The following FAM178B variants were observed in gnomAD, a reference collection of about 807,000 sequenced individuals.
The protein encoded by FAM178B is family with sequence similarity 178 member B, also known as protein FAM178B.
In FAM178B, 82 loss-of-function variants were observed where a neutral mutation model predicts 91.7. The observed-to-expected ratio is 0.89, with a 90% confidence interval of 0.75 to 1.07. FAM178B has a LOEUF of 1.07. Among genes scored for constraint, FAM178B ranks in the 50% least tolerant of loss-of-function variants. The pLI, the probability that FAM178B is intolerant of heterozygous loss-of-function variation, is 0.00. For synonymous variants in FAM178B, 368 were observed against 359.4 expected (o/e 1.02, Z -0.27); for missense variants, 769 against 846.7 (o/e 0.91, Z 1.14).
intron 12 of FAM178B, among the ~76,000 whole-genome samples, chr2:96,917,355 T>C (rs1372382422): frequency 2.6e-5 from 4 of 152,242 alleles, no homozygotes; most frequent in African/African-American, 9.6e-5. Context: ...CGTGGCTGCC[T>C]GAAAGGCAGG....
intron 14 of FAM178B, among the ~76,000 whole-genome samples, chr2:96,893,048 T>C (rs1438538158): frequency 6.6e-6 from 1 of 152,300 alleles, no homozygotes; most frequent in East Asian, 1.9e-4. Context: ...TTCATTTGTG[T>C]TCATTAAGTA....
intron 1 of FAM178B, among the ~76,000 whole-genome samples, chr2:96,982,021 C>A (rs530048417): frequency 1.3e-5 from 2 of 151,676 alleles, no homozygotes; most frequent in South Asian, 4.2e-4. Flanking sequence ...GAGCTGTGAT[C>A]GCACTACTGC....
chr2:96,960,493 G>A, intron 5 of FAM178B, 53 bp from the exon 6 acceptor site: 7 of 1,494,488 alleles, frequency 4.7e-6, no homozygotes, highest in Non-Finnish European at 6.3e-6. Flanking sequence ...ACCTCGGCCT[G>A]AGGCATGGCC....
chr2:96,904,207 G>A (rs1039377603), intron 12 of FAM178B, among the ~76,000 whole-genome samples: 1 of 152,202 alleles, frequency 6.6e-6, no homozygotes, highest in Non-Finnish European at 1.5e-5. Flanking sequence ...AGCAGCAGCA[G>A]CAACAGCACA....
At chr2:96,978,176 G>A (rs969914205) in intron 1 of FAM178B, among the ~76,000 whole-genome samples, 2 of 152,112 alleles carry the variant, frequency 1.3e-5, no homozygotes, top group Admixed American at 6.6e-5. Context: ...ATGCAGAATG[G>A]ATTCTCAGAA....
intron 12 of FAM178B, among the ~76,000 whole-genome samples, chr2:96,917,125 G>C (rs928964520): frequency 1.3e-5 from 2 of 152,192 alleles, no homozygotes; most frequent in African/African-American, 2.4e-5. Context: ...CGCAGACAGA[G>C]GCTGGCGGCC....
chr2:96,939,790 C>T (rs1335637436), intron 8 of FAM178B, among the ~76,000 whole-genome samples: 2 of 152,044 alleles, frequency 1.3e-5, no homozygotes, highest in African/African-American at 4.8e-5. Flanking sequence ...TAACATGGGA[C>T]AATAATGGTA....
chr2:96,946,180 T>A (rs1439448736), intron 8 of FAM178B, among the ~76,000 whole-genome samples: 1 of 152,216 alleles, frequency 6.6e-6, no homozygotes, highest in Admixed American at 6.5e-5. Context: ...ATCCATCTTG[T>A]AGCATGTGTC....
intron 14 of FAM178B, among the ~76,000 whole-genome samples, chr2:96,880,887 C>T (rs904896752): frequency 2.6e-5 from 4 of 152,192 alleles, no homozygotes; most frequent in African/African-American, 7.2e-5. Flanking sequence ...AGCCACCGCG[C>T]CCGGCTAAAA....
At chr2:96,884,119 T>C (rs1460352915) in intron 14 of FAM178B, among the ~76,000 whole-genome samples, 1 of 152,080 alleles carries the variant, frequency 6.6e-6, no homozygotes, top group African/African-American at 2.4e-5. Context: ...TAAACCTATA[T>C]AGTACCACTT....
intron 1 of FAM178B, chr2:96,977,941 T>TGGGGGG: frequency 5.9e-5 from 3 of 50,442 alleles, no homozygotes; most frequent in South Asian, 1.8e-4. Context: ...CGCTGGAGGG[T>TGGGGGG]GGGGCGGGCG....
At chr2:96,940,516 T>C (rs1390741554) in intron 8 of FAM178B, among the ~76,000 whole-genome samples, 4 of 152,166 alleles carry the variant, frequency 2.6e-5, no homozygotes, top group African/African-American at 9.7e-5. Flanking sequence ...TTCAAAATAA[T>C]TATTCCGTGT....
intron 7 of FAM178B, among the ~76,000 whole-genome samples, chr2:96,950,631 G>A (rs1408056400): frequency 2.6e-5 from 4 of 152,188 alleles, no homozygotes; most frequent in Non-Finnish European, 4.4e-5. Context: ...AGGCCAGGAC[G>A]GCATCCTTAT....
chr2:96,927,669 C>T (rs554144417), intron 9 of FAM178B, among the ~76,000 whole-genome samples: 24 of 152,334 alleles, frequency 1.6e-4, no homozygotes, highest in African/African-American at 3.6e-4. Flanking sequence ...CTGGAGACAA[C>T]GGATTTGTCA....
At chr2:96,949,894 C>G (rs1389147909) in intron 7 of FAM178B, 26 of 821,226 alleles carry the variant, frequency 3.2e-5, no homozygotes, top group Non-Finnish European at 3.4e-5. Context: ...AGGCCTGGCT[C>G]CGAGGCACAG....
chr2:96,929,851 C>A (rs935582609), intron 8 of FAM178B, among the ~76,000 whole-genome samples: 1 of 152,240 alleles, frequency 6.6e-6, no homozygotes, highest in Non-Finnish European at 1.5e-5. Flanking sequence ...TGGGGCGTGT[C>A]TCCTAAGCAA....
At chr2:96,945,296 C>A (rs2081805307) in intron 8 of FAM178B, among the ~76,000 whole-genome samples, 1 of 145,440 alleles carries the variant, frequency 6.9e-6, no homozygotes, top group African/African-American at 2.4e-5. Context: ...CACTAGAGTG[C>A]CCTGGGACAC....
At position 96,984,432 on chromosome 2, in the gene FAM178B, A is replaced by C. The variant is rs1444818980; in HGVS notation, c.73+1809T>G. ...TGCAGTCTCTGCCCTAGAGGAGCTT[A>C]CAGCAGCAGGAAGTTTCTGTCATAG... On this transcript the variant is annotated intron_variant, in intron 1 of 16. Coordinates refer to ENST00000490605, the MANE Select transcript of FAM178B (RefSeq NM_001122646.3). Among the ~76,000 whole-genome samples the C allele has an allele frequency of 2.0e-5, 3 of 152,308 alleles. No individual in the cohort carries two copies. In the East Asian group the frequency reaches 5.8e-4, roughly 29 times the overall value.
At chr2:96,889,714 A>AC (rs1553493709) in intron 14 of FAM178B, among the ~76,000 whole-genome samples, 4 of 136,738 alleles carry the variant, frequency 2.9e-5, no homozygotes, top group African/African-American at 1.1e-4. Flanking sequence ...ATAAATAAAT[A>AC]AATAAATACA....
Sources: allele counts gnomAD v4.1 joint callset (sites outside exome capture counted in the v4.1 genomes callset), GRCh38; gene constraint gnomAD v4.1.1; transcripts MANE v1.5; gene names NCBI Gene and HGNC (gene_info 2026-07-23, HGNC 2026-07-21).